Variants in CYB5R4 observed in about 807,000 individuals in gnomAD.
The protein encoded by CYB5R4 is N-terminal cytochrome b5 and cytochrome b5 oxidoreductase domain-containing protein.
Under a neutral mutation model 70.2 loss-of-function variants are expected in CYB5R4, and 55 were observed. The ratio of observed to expected loss-of-function variants is 0.78; its 90% confidence interval spans 0.63 to 0.98. The LOEUF is 0.98. Among genes scored for constraint, CYB5R4 ranks in the 50% least tolerant of loss-of-function variants. The probability of loss-of-function intolerance (pLI) is 0.00; values close to 1 mark genes in which losing one functional copy is unlikely to be tolerated. For synonymous variants in CYB5R4, 197 were observed against 199.5 expected, an observed-to-expected ratio of 0.99 and a Z score of 0.11; for missense variants, 562 against 612.6, an observed-to-expected ratio of 0.92 and a Z score of 0.87.
intron 14 of CYB5R4, among the ~76,000 whole-genome samples, chr6:83,947,820 A>G (rs542031844): frequency 6.6e-6 from 1 of 152,236 alleles, no homozygotes; most frequent in Non-Finnish European, 1.5e-5. Context: ...AACCACAATG[A>G]GATACCATCT....
chr6:83,954,333 G>C (rs1330691679), intron 14 of CYB5R4, among the ~76,000 whole-genome samples: 1 of 152,178 alleles, frequency 6.6e-6, no homozygotes, highest in African/African-American at 2.4e-5. Context: ...TGCAGCCAGA[G>C]ATTAAAATGC....
intron 7 of CYB5R4, among the ~76,000 whole-genome samples, chr6:83,919,873 G>A (rs2099466096): frequency 6.6e-6 from 1 of 151,672 alleles, no homozygotes; most frequent in Admixed American, 6.6e-5. Context: ...CATAAACTAG[G>A]ATTGGAGAAG....
chr6:83,914,357 A>T, intron 4 of CYB5R4, 59 bp from the exon 5 acceptor site: 1 of 1,471,574 alleles, frequency 6.8e-7, no homozygotes, highest in Non-Finnish European at 9.2e-7. Flanking sequence ...ATGTGGACTG[A>T]CATTCTCATT....
chr6:83,934,806 C>A, intron 11 of CYB5R4, 71 bp downstream of exon 11: 1 of 1,321,242 alleles, frequency 7.6e-7, no homozygotes, highest in Non-Finnish European at 1.0e-6. Flanking sequence ...ACTATTCTCT[C>A]TAGAAAACAA....
At chr6:83,918,166 T>C (rs1269523238) in intron 6 of CYB5R4, 101 bp downstream of exon 6, 2 of 781,854 alleles carry the variant, frequency 2.6e-6, no homozygotes, top group Non-Finnish European at 4.3e-6. Context: ...TATTGCTTAC[T>C]GTTAGTCATG....
In CYB5R4 at chr6:83,967,352, AGT is replaced by A. The variant is rs2099474241; in HGVS notation, c.*7476_*7477del. On this transcript the variant is annotated 3_prime_UTR_variant, in exon 16 of 16. Coordinates refer to ENST00000369681, the MANE Select transcript of CYB5R4 (RefSeq NM_016230.4). ...GCTAAACTATTTCAGTAGTTTTGGCAGTGGTTGTATTAGTATTGTTATTCTGA... is the reference window on the plus strand; with the variant it reads ...GCTAAACTATTTCAGTAGTTTTGGCAGGTTGTATTAGTATTGTTATTCTGA... 1 of 152,242 alleles carries A rather than the reference AGT, an allele frequency of 6.6e-6. No individual in the cohort carries two copies. Among genetic ancestry groups the A allele is most frequent in the Non-Finnish European group, 1.5e-5 (1 of 68,036 alleles). The allele number at this position is 152,242 out of a possible 1,614,324, so 9.4% of individuals were successfully genotyped here. A position where few individuals can be genotyped will look rare whatever the true frequency, so the allele number is the denominator to read the frequency against.
chr6:83,863,714 A>C (rs1019969113), intron 1 of CYB5R4, among the ~76,000 whole-genome samples: 2 of 152,234 alleles, frequency 1.3e-5, no homozygotes, highest in African/African-American at 4.8e-5. Context: ...TTGGGGAAAA[A>C]AATTAAAAAT....
At chr6:83,896,419 A>C (rs1300889140) in intron 3 of CYB5R4, among the ~76,000 whole-genome samples, 1 of 152,152 alleles carries the variant, frequency 6.6e-6, no homozygotes, top group Non-Finnish European at 1.5e-5. Context: ...CCCAACATGC[A>C]TCTTGCTTTG....
intron 10 of CYB5R4, among the ~76,000 whole-genome samples, chr6:83,925,164 T>TA (rs2099467084): frequency 6.6e-6 from 1 of 152,048 alleles, no homozygotes; most frequent in African/African-American, 2.4e-5. Flanking sequence ...TCAGGAAACT[T>TA]ACAATCATAG....
chr6:83,939,942 T>G lies in CYB5R4; in HGVS notation c.1109-114T>G. ...TCTGCAAGTTAAGTATTTATACTGTTACTCCTCAGTGTTTTAAATTCAGCT... is the reference window on the plus strand; with the variant it reads ...TCTGCAAGTTAAGTATTTATACTGTGACTCCTCAGTGTTTTAAATTCAGCT... On this transcript the variant is annotated intron_variant, in intron 12 of 15. Coordinates refer to ENST00000369681, the MANE Select transcript of CYB5R4 (RefSeq NM_016230.4). The G allele has an allele frequency of 7.4e-6, 5 of 675,160 alleles. No individual in the cohort carries two copies. In the South Asian group the frequency reaches 1.0e-4, roughly 14 times the overall value. 41.8% of individuals were successfully genotyped at this position (675,160 alleles called of 1,614,324 possible). A position where few individuals can be genotyped will look rare whatever the true frequency, so the allele number is the denominator to read the frequency against.
intron 3 of CYB5R4, among the ~76,000 whole-genome samples, chr6:83,906,067 A>C (rs2099463709): frequency 6.6e-6 from 1 of 152,102 alleles, no homozygotes; most frequent in African/African-American, 2.4e-5. Flanking sequence ...CATGGTAGGC[A>C]GGGGCAATCC....
intron 5 of CYB5R4, among the ~76,000 whole-genome samples, chr6:83,914,787 G>A (rs560909579): frequency 6.6e-6 from 1 of 151,546 alleles, no homozygotes; most frequent in Non-Finnish European, 1.5e-5. Context: ...TGCCCACCTC[G>A]GCCTCCCAGA....
Position 83,961,072 on chromosome 6 carries a change from CTGAA to C in CYB5R4, c.*1200_*1203del, listed in dbSNP as rs2099473264. The C allele has an allele frequency of 1.3e-5, 2 of 152,166 alleles. No individual in the cohort carries two copies. The highest frequency in any genetic ancestry group is 4.1e-4 in the South Asian group (2 of 4,822). 9.4% of individuals were successfully genotyped at this position (152,166 alleles called of 1,614,324 possible). On this transcript the variant is annotated 3_prime_UTR_variant, in exon 16 of 16. Transcript: ENST00000369681. ...GATTTTGTAAACAGCTAAATCTTTGCTGAATGAATAATATACTCAAGAGGAACAC... is the reference window on the plus strand; with the variant it reads ...GATTTTGTAAACAGCTAAATCTTTGCTGAATAATATACTCAAGAGGAACAC...
At chr6:83,933,368 A>G (rs964632182) in intron 10 of CYB5R4, among the ~76,000 whole-genome samples, 1 of 152,218 alleles carries the variant, frequency 6.6e-6, no homozygotes, top group African/African-American at 2.4e-5. Flanking sequence ...AGCAAAAGGG[A>G]GAAGGGAAGT....
chr6:83,905,697 C>T (rs373704672), intron 3 of CYB5R4, among the ~76,000 whole-genome samples: 1 of 152,018 alleles, frequency 6.6e-6, no homozygotes, highest in Non-Finnish European at 1.5e-5. Context: ...GATTCTTGGG[C>T]CTCTTGGTGG....
intron 4 of CYB5R4, among the ~76,000 whole-genome samples, chr6:83,909,467 G>A (rs1267855510): frequency 1.3e-5 from 2 of 152,064 alleles, no homozygotes; most frequent in African/African-American, 4.8e-5. Context: ...TGGACCTTCC[G>A]ACTCTGCGCC....
At chr6:83,900,902 G>A (rs2099462826) in intron 3 of CYB5R4, among the ~76,000 whole-genome samples, 2 of 152,144 alleles carry the variant, frequency 1.3e-5, no homozygotes, top group Admixed American at 6.5e-5. Flanking sequence ...GCATACTGAT[G>A]GGTCTTGACT....
intron 10 of CYB5R4, among the ~76,000 whole-genome samples, chr6:83,926,495 G>C (rs1307099089): frequency 1.3e-5 from 2 of 151,310 alleles, no homozygotes; most frequent in African/African-American, 2.4e-5. Context: ...CTTTTTTCCT[G>C]TTTCTTTAGA....
At position 83,933,171 on chromosome 6, in the gene CYB5R4, T is replaced by C. The variant is rs1468356766; in HGVS notation, c.815-1424T>C. On this transcript the variant is annotated intron_variant, in intron 10 of 15. Transcript: ENST00000369681. ...TTGACCCTTTGGTTAGTCCAGTGCT[T>C]GTTAGGCCTTCCGGGATAACTTTAG... 2.0e-5 allele frequency among the ~76,000 whole-genome samples: 3 copies of C among 152,336 alleles called. No individual in the cohort carries two copies. In the South Asian group the frequency reaches 6.2e-4, roughly 32 times the overall value.
Sources: gnomAD v4.1 joint callset for allele counts (sites outside exome capture counted in the v4.1 genomes callset) on GRCh38, gnomAD v4.1.1 for gene constraint, MANE v1.5 for transcripts, NCBI Gene and HGNC (gene_info 2026-07-23, HGNC 2026-07-21) for gene names.